EYS: variants seen among roughly 807,000 people sequenced by gnomAD.
EYS encodes protein eyes shut homolog.
A neutral mutation model predicts 282.1 loss-of-function variants in EYS; 250 were observed. The observed-to-expected ratio is 0.89, with a 90% CI of 0.80 to 0.98. The LOEUF is 0.98. Among genes scored for constraint, EYS ranks in the 50% least tolerant of loss-of-function variants. The probability of loss-of-function intolerance (pLI) is 0.00; values close to 1 mark genes in which losing one functional copy is unlikely to be tolerated. For missense variants in EYS, 4,016 were observed against 3,709.0 expected (o/e 1.08, Z -2.15); for synonymous variants, 1,355 against 1,282.9 (o/e 1.06, Z -1.20).
At chr6:64,344,818 A>G (rs934967997) in intron 29 of EYS, among the ~76,000 whole-genome samples, 3 of 152,124 alleles carry the variant, frequency 2.0e-5, no homozygotes, top group African/African-American at 7.2e-5. Context: ...TCAGCCCAAA[A>G]TCTCTTTAAG....
intron 30 of EYS, among the ~76,000 whole-genome samples, chr6:64,274,643 C>T (rs748006632): frequency 8.6e-5 from 13 of 151,988 alleles, no homozygotes; most frequent in Non-Finnish European, 1.9e-4. Context: ...CCCAGAATTC[C>T]AGTTTAAAGA....
At chr6:64,438,022 A>T (rs1312476475) in intron 27 of EYS, among the ~76,000 whole-genome samples, 2 of 151,764 alleles carry the variant, frequency 1.3e-5, no homozygotes, top group African/African-American at 2.4e-5. Flanking sequence ...TATTGCAATG[A>T]TGATTGGGAT....
At chr6:65,294,045 AAGG>A (rs1157814786) in intron 12 of EYS, among the ~76,000 whole-genome samples, 4 of 151,712 alleles carry the variant, frequency 2.6e-5, no homozygotes, top group Non-Finnish European at 4.4e-5. Context: ...GGAGAAAGGG[AAGG>A]AGGAGGATCA....
At chr6:64,596,890 A>G (rs544822307) in intron 24 of EYS, among the ~76,000 whole-genome samples, 1 of 152,316 alleles carries the variant, frequency 6.6e-6, no homozygotes, top group African/African-American at 2.4e-5. Context: ...GCTTCTGCAT[A>G]GAAAAGGAAA....
intron 26 of EYS, among the ~76,000 whole-genome samples, chr6:64,494,159 C>T (rs573190081): frequency 6.6e-6 from 1 of 151,708 alleles, no homozygotes; most frequent in Admixed American, 6.6e-5. Context: ...TCTGTCCATG[C>T]TATCCTCATT....
chr6:64,540,389 A>T (rs1240009889), intron 26 of EYS, among the ~76,000 whole-genome samples: 1 of 151,312 alleles, frequency 6.6e-6, no homozygotes. Flanking sequence ...ATGTAAGGTG[A>T]TTATTTACAC....
At chr6:65,323,091 GAATA>G (rs1406889875) in intron 11 of EYS, among the ~76,000 whole-genome samples, 2 of 147,476 alleles carry the variant, frequency 1.4e-5, no homozygotes, top group Admixed American at 6.8e-5. Context: ...ATGGATATAG[GAATA>G]AATACTCTTA....
intron 2 of EYS, among the ~76,000 whole-genome samples, chr6:65,605,082 C>A (rs545235352): frequency 2.5e-4 from 38 of 150,156 alleles, no homozygotes; most frequent in African/African-American, 9.3e-4. Context: ...TGGACTCAAG[C>A]AATCCTCCTG....
At chr6:64,334,022 C>T (rs970321910) in intron 29 of EYS, among the ~76,000 whole-genome samples, 4 of 152,198 alleles carry the variant, frequency 2.6e-5, no homozygotes, top group African/African-American at 9.6e-5. Flanking sequence ...TCGGAAAATA[C>T]TGTATCGCCT....
At chr6:65,003,609 C>T (rs545481266) in intron 13 of EYS, among the ~76,000 whole-genome samples, 10 of 147,252 alleles carry the variant, frequency 6.8e-5, no homozygotes, top group African/African-American at 2.4e-4. Context: ...GGTTTTGTGT[C>T]TTGTGGGGCA....
intron 33 of EYS, among the ~76,000 whole-genome samples, chr6:64,059,869 C>A (rs76228031): frequency 0.02 from 3,073 of 152,118 alleles, 117 homozygotes; most frequent in African/African-American, 0.07. Flanking sequence ...ACACACATGC[C>A]AATATAATGA....
intron 22 of EYS, among the ~76,000 whole-genome samples, chr6:64,722,449 T>A (rs146886621): frequency 1.1e-4 from 16 of 151,318 alleles, no homozygotes; most frequent in African/African-American, 3.6e-4. Flanking sequence ...GGAGGGATAA[T>A]GTGAAAACAA....
Position 64,765,524 on chromosome 6 carries a change from G to A in EYS, c.3443+47854C>T, listed in dbSNP as rs4134356. The stretch of plus-strand genomic sequence containing the variant: ...CTTTTGGTACCAATTTTCTATATTA[G>A]TCTATTTTCACACTACAGTAAAGAA... On this transcript the variant is annotated intron_variant, in intron 22 of 42. Transcript: ENST00000503581. Among the ~76,000 whole-genome samples the A allele has an allele frequency of 7.6e-4, 116 of 152,144 alleles. 1 individual carries two copies. The highest frequency in any genetic ancestry group is 2.5e-3 in the African/African-American group (105 of 41,478).
intron 31 of EYS, among the ~76,000 whole-genome samples, chr6:64,151,311 GTATATTTATATATA>G (rs1272203443): frequency 0.029 from 2,536 of 87,140 alleles, 46 homozygotes; most frequent in Non-Finnish European, 0.037. Flanking sequence ...GTGTGTGTGT[GTATATTTATATATA>G]TATATATATA....
At chr6:65,075,448 C>A (rs1160241648) in intron 12 of EYS, among the ~76,000 whole-genome samples, 2 of 151,884 alleles carry the variant, frequency 1.3e-5, no homozygotes, top group East Asian at 3.9e-4. Flanking sequence ...CAATTCATAA[C>A]AATATAGTTG....
chr6:65,585,192 C>T (rs1057429488), intron 2 of EYS, among the ~76,000 whole-genome samples: 2 of 151,746 alleles, frequency 1.3e-5, no homozygotes, highest in African/African-American at 4.8e-5. Context: ...TGAAATGGAA[C>T]ACAGTTAAAA....
intron 30 of EYS, among the ~76,000 whole-genome samples, chr6:64,256,794 A>G (rs1267957017): frequency 6.6e-6 from 1 of 152,052 alleles, no homozygotes; most frequent in Non-Finnish European, 1.5e-5. Flanking sequence ...TTATGAGCTT[A>G]ACAATAAATG....
chr6:65,206,710 GCAA>G (rs1766044630), intron 12 of EYS, among the ~76,000 whole-genome samples: 1 of 151,596 alleles, frequency 6.6e-6, no homozygotes. Context: ...GGATATAAGG[GCAA>G]TTCAACATTT....
intron 1 of EYS, among the ~76,000 whole-genome samples, chr6:65,647,775 A>G (rs1767503701): frequency 2.6e-5 from 4 of 152,208 alleles, no homozygotes; most frequent in Admixed American, 2.6e-4. Flanking sequence ...TATATATCCA[A>G]CAAAGGACTA....
Sources: gnomAD v4.1 joint callset for allele counts (sites outside exome capture counted in the v4.1 genomes callset) on GRCh38, gnomAD v4.1.1 for gene constraint, MANE v1.5 for transcripts, NCBI Gene and HGNC (gene_info 2026-07-23, HGNC 2026-07-21) for gene names.